The following ZDHHC2 variants were observed in gnomAD, a reference collection of about 807,000 sequenced individuals.
ZDHHC2 encodes the protein zDHHC palmitoyltransferase 2.
ZDHHC2 carries 51 observed loss-of-function variants against 55.6 expected under a neutral mutation model. The ratio of observed to expected loss-of-function variants is 0.92; its 90% CI spans 0.73 to 1.16. The LOEUF (loss-of-function observed/expected upper bound fraction) is 1.16, where lower values mean the gene tolerates loss of function less well. ZDHHC2 is among the 50% of genes most tolerant of loss of function. ZDHHC2 has a pLI of 0.00. For synonymous variants in ZDHHC2, 199 were observed against 152.9 expected (o/e 1.30, Z -2.22); for missense variants, 491 against 442.4 (o/e 1.11, Z -0.99).
intron 4 of ZDHHC2, among the ~76,000 whole-genome samples, chr8:17,196,910 G>GAA (rs1287157134): frequency 7.5e-6 from 1 of 132,670 alleles, no homozygotes. Context: ...TTTCGTCTCA[G>GAA]AAAAAAAAAA....
At chr8:17,158,432 GC>G (rs1360130240) in intron 1 of ZDHHC2, among the ~76,000 whole-genome samples, 10 of 152,220 alleles carry the variant, frequency 6.6e-5, no homozygotes, top group African/African-American at 2.4e-4. Context: ...AAGCTAAGAC[GC>G]TTATCTTGGT....
At chr8:17,173,693 G>T (rs1028175497) in intron 1 of ZDHHC2, among the ~76,000 whole-genome samples, 25 of 137,550 alleles carry the variant, frequency 1.8e-4, no homozygotes, top group African/African-American at 6.0e-4. Context: ...AAAAAAAAAA[G>T]AAAGAAAGAA....
chr8:17,183,237 A>G (rs1805524903), intron 1 of ZDHHC2, among the ~76,000 whole-genome samples: 1 of 152,210 alleles, frequency 6.6e-6, no homozygotes. Context: ...CTTTCCTTAG[A>G]TTGGCTCCAC....
intron 6 of ZDHHC2, among the ~76,000 whole-genome samples, chr8:17,201,815 G>C (rs1339896283): frequency 6.6e-6 from 1 of 151,738 alleles, no homozygotes; most frequent in Non-Finnish European, 1.5e-5. Flanking sequence ...TTTTTATACA[G>C]GTATTTTAAA....
chr8:17,157,237 C>G (rs889307659), intron 1 of ZDHHC2, among the ~76,000 whole-genome samples: 2 of 152,174 alleles, frequency 1.3e-5, no homozygotes, highest in African/African-American at 4.8e-5. Flanking sequence ...TGGGCCCGGC[C>G]CCGAGCTGCG....
intron 10 of ZDHHC2, among the ~76,000 whole-genome samples, chr8:17,211,678 T>G (rs1427796349): frequency 1.3e-5 from 2 of 152,092 alleles, no homozygotes; most frequent in African/African-American, 4.8e-5. Context: ...TCAAAAGAGA[T>G]GAAAGGTATT....
At chr8:17,174,890 T>C (rs2959633) in intron 1 of ZDHHC2, among the ~76,000 whole-genome samples, 46 of 151,466 alleles carry the variant, frequency 3.0e-4, no homozygotes, top group African/African-American at 1.0e-3. Context: ...GTGGGGTTTT[T>C]TTTGTTTGTT....
intron 1 of ZDHHC2, among the ~76,000 whole-genome samples, chr8:17,162,091 G>A (rs899433983): frequency 6.6e-6 from 1 of 152,162 alleles, no homozygotes; most frequent in African/African-American, 2.4e-5. Context: ...TGGTCAAGTC[G>A]GAAAGGGGAG....
chr8:17,156,834 C>T lies in ZDHHC2; in HGVS notation c.111C>T (p.Tyr37=), dbSNP rs745386917. The T allele has an allele frequency of 5.9e-6, 9 of 1,519,020 alleles. No individual in the cohort carries two copies. Among genetic ancestry groups the T allele is most frequent in the African/African-American group, 5.7e-5 (4 of 70,118 alleles). 94.1% of individuals were successfully genotyped at this position (1,519,020 alleles called of 1,614,324 possible). The change falls in exon 1 of 13, where the codon TAC becomes TAT. Residue 37 remains tyrosine, a synonymous_variant. Transcript: ENST00000262096. ...TGCTCGGCTGGTCCTACTACGCCTACGCCATCCAGCTGTGCATAGGTGAGT... is the reference window on the plus strand; with the variant it reads ...TGCTCGGCTGGTCCTACTACGCCTATGCCATCCAGCTGTGCATAGGTGAGT... ...TLLLGWSYYA[Y]AIQLCIVSME...
intron 3 of ZDHHC2, among the ~76,000 whole-genome samples, chr8:17,190,965 T>C (rs2150915246): frequency 7.4e-6 from 1 of 134,384 alleles, no homozygotes; most frequent in South Asian, 2.6e-4. Context: ...TTTTTTTTTT[T>C]TTTTTTTTTT....
chr8:17,174,093 CTTCT>C (rs1468367549), intron 1 of ZDHHC2, among the ~76,000 whole-genome samples: 1 of 150,844 alleles, frequency 6.6e-6, no homozygotes, highest in Non-Finnish European at 1.5e-5. Context: ...TCTTCTTCTT[CTTCT>C]TTTTTTTTTT....
At position 17,172,055 on chromosome 8, in the gene ZDHHC2, C is replaced by T. The variant is rs925517015; in HGVS notation, c.131-12734C>T. On this transcript the variant is annotated intron_variant, in intron 1 of 12. Coordinates refer to ENST00000262096, the MANE Select transcript of ZDHHC2 (RefSeq NM_016353.5). ...ACTATATCCGCAGTTCCCAGGAATT[C>T]GTCCGATTGATAAAGCCCAAAGCCC... 1.4e-4 allele frequency among the ~76,000 whole-genome samples: 21 copies of T among 152,064 alleles called. No individual in the cohort carries two copies. The East Asian group carries it at 2.3e-3, about 17-fold the overall frequency.
At chr8:17,194,208 A>G (rs952396713) in intron 3 of ZDHHC2, among the ~76,000 whole-genome samples, 1 of 152,026 alleles carries the variant, frequency 6.6e-6, no homozygotes, top group African/African-American at 2.4e-5. Context: ...CGCTATTGTG[A>G]ACAGTGCCGC....
chr8:17,203,858 A>C (rs962659114), intron 6 of ZDHHC2, among the ~76,000 whole-genome samples: 8 of 140,508 alleles, frequency 5.7e-5, no homozygotes, highest in Non-Finnish European at 9.0e-5. Flanking sequence ...GCCAGGCTGG[A>C]GTGCAGTGGC....
chr8:17,224,463 G>A lies in ZDHHC2; in HGVS notation c.*4242G>A, dbSNP rs905409683. 1 of 151,488 alleles carries A rather than the reference G, an allele frequency of 6.6e-6. No individual in the cohort carries two copies. The highest frequency in any genetic ancestry group is 2.4e-5 in the African/African-American group (1 of 41,338). The allele number at this position is 151,488 out of a possible 1,614,324, so 9.4% of individuals were successfully genotyped here. A position where few individuals can be genotyped will look rare whatever the true frequency, so the allele number is the denominator to read the frequency against. On this transcript the variant is annotated 3_prime_UTR_variant, in exon 13 of 13. Coordinates refer to ENST00000262096, the MANE Select transcript of ZDHHC2 (RefSeq NM_016353.5). ...CTCAGGAAAAATAGTACTACTTTAT[G>A]GTTTATGAAAACCTATGATTTATGT...
chr8:17,202,748 C>CACAT (rs918084443), intron 6 of ZDHHC2, among the ~76,000 whole-genome samples: 3 of 149,908 alleles, frequency 2.0e-5, no homozygotes, highest in African/African-American at 7.5e-5. Flanking sequence ...CACACACACA[C>CACAT]ACACACATAT....
intron 6 of ZDHHC2, among the ~76,000 whole-genome samples, chr8:17,204,711 T>C (rs1395257326): frequency 6.6e-6 from 1 of 152,152 alleles, no homozygotes; most frequent in Non-Finnish European, 1.5e-5. Context: ...TAATGGATAC[T>C]AGGCTTAATA....
At position 17,156,631 on chromosome 8, in the gene ZDHHC2, C is replaced by A; in HGVS notation, c.-93C>A. On this transcript the variant is annotated 5_prime_UTR_variant, in exon 1 of 13. Transcript: ENST00000262096. Reference sequence around the variant, plus strand: ...AGCGCACCCCGCCGCCGCCCAGGAGCCCGTCCAGCCAGGGGTGCCGGGCCC... The same window carrying A: ...AGCGCACCCCGCCGCCGCCCAGGAGACCGTCCAGCCAGGGGTGCCGGGCCC... 1 of 1,022,256 alleles carries A rather than the reference C, an allele frequency of 9.8e-7. No homozygotes were observed. Among genetic ancestry groups the A allele is most frequent in the Non-Finnish European group, 1.2e-6 (1 of 841,130 alleles). The allele number at this position is 1,022,256 out of a possible 1,614,324, so 63.3% of individuals were successfully genotyped here.
intron 10 of ZDHHC2, among the ~76,000 whole-genome samples, chr8:17,212,285 T>G (rs1394427945): frequency 6.6e-6 from 1 of 152,168 alleles, no homozygotes; most frequent in Non-Finnish European, 1.5e-5. Context: ...ACACACCCAC[T>G]TGGACACCTA....
Sources: allele counts gnomAD v4.1 joint callset (sites outside exome capture counted in the v4.1 genomes callset), GRCh38; gene constraint gnomAD v4.1.1; transcripts MANE v1.5; gene names NCBI Gene and HGNC (gene_info 2026-07-23, HGNC 2026-07-21).